Variants in DERA observed in about 807,000 individuals in gnomAD.
DERA encodes deoxyribose-phosphate aldolase.
A neutral mutation model predicts 41.1 loss-of-function variants in DERA; 15 were observed. The observed-to-expected ratio is 0.37, with a 90% CI of 0.24 to 0.56. The LOEUF is 0.56. Ranked by LOEUF, DERA falls within the 20% of genes least tolerant of loss-of-function variation. DERA has a pLI of 0.81. For synonymous variants in DERA, 139 were observed against 137.4 expected (o/e 1.01, Z -0.08); for missense variants, 396 against 403.4 (o/e 0.98, Z 0.16).
At chr12:15,946,717 C>G (rs957887879) in intron 1 of DERA, among the ~76,000 whole-genome samples, 3 of 152,142 alleles carry the variant, frequency 2.0e-5, no homozygotes, top group Non-Finnish European at 4.4e-5. Flanking sequence ...TTTTGTGTCT[C>G]TATCTCCTTT....
Position 16,003,366 on chromosome 12 carries a change from C to G in DERA, c.637+20930C>G, listed in dbSNP as rs868821503. ...CCCAGGTTCCAAATAAGGTCACATTCTTACATGCTAGGGGTTAGGACTTCC... is the reference window on the plus strand; with the variant it reads ...CCCAGGTTCCAAATAAGGTCACATTGTTACATGCTAGGGGTTAGGACTTCC... On this transcript the variant is annotated intron_variant, in intron 6 of 8. Coordinates refer to ENST00000428559, the MANE Select transcript of DERA (RefSeq NM_015954.4). This position sits in a 1 kb window ranked among gnomAD's most constrained non-coding sequence, Gnocchi z 4.8. Among the ~76,000 whole-genome samples the G allele has an allele frequency of 7.2e-5, 11 of 152,332 alleles. No homozygotes were observed. Among genetic ancestry groups the G allele is most frequent in the Middle Eastern group, 3.4e-3 (1 of 294 alleles).
rs1949126882 is a variant in DERA, at chr12:16,036,225, C to T, written c.751-7C>T. On this transcript the variant is annotated splice_polypyrimidine_tract_variant and splice_region_variant and intron_variant, in intron 7 of 8. Transcript: ENST00000428559. The surrounding 1 kb of genome is among the most constrained non-coding windows in gnomAD (Gnocchi z 4.9). ...AAGATTGTTCTATTCTCTGCCTTCC[C>T]ATTTAGATAGGGTTTAAACCAGCAG... 1.3e-6 allele frequency: 2 copies of T among 1,592,264 alleles called. No individual in the cohort carries two copies. Among genetic ancestry groups the T allele is most frequent in the East Asian group, 4.5e-5 (2 of 44,362 alleles).
rs1948359875 is a variant in DERA, at chr12:15,935,741, G to C, written c.32-21195G>C. On this transcript the variant is annotated intron_variant, in intron 1 of 8. Coordinates refer to ENST00000428559, the MANE Select transcript of DERA (RefSeq NM_015954.4). The surrounding 1 kb of genome is among the most constrained non-coding windows in gnomAD (Gnocchi z 4.8). The stretch of plus-strand genomic sequence containing the variant: ...TGGTTTCTATATGTTGTTTGTTGTT[G>C]TGTAATATATTACTCCAAAATTTAG... Among the ~76,000 whole-genome samples the C allele has an allele frequency of 6.6e-6, 1 of 152,070 alleles. No homozygotes were observed. Among genetic ancestry groups the C allele is most frequent in the Non-Finnish European group, 1.5e-5 (1 of 68,020 alleles).
At position 15,976,225 on chromosome 12, in the gene DERA, A is replaced by G. The variant is rs1323384125; in HGVS notation, c.509-6083A>G. 6.6e-6 allele frequency among the ~76,000 whole-genome samples: 1 copy of G among 151,956 alleles called. No homozygotes were observed. Among genetic ancestry groups the G allele is most frequent in the East Asian group, 1.9e-4 (1 of 5,192 alleles). On this transcript the variant is annotated intron_variant, in intron 5 of 8. Coordinates refer to ENST00000428559, the MANE Select transcript of DERA (RefSeq NM_015954.4). The surrounding 1 kb of genome is among the most constrained non-coding windows in gnomAD (Gnocchi z 4.1). ...CTTGCTCCCATTATCCATTATCTTC[A>G]GTATATTCATCTTTTTTATCAATAT...
intron 3 of DERA, among the ~76,000 whole-genome samples, chr12:15,958,861 G>A (rs991707833): frequency 6.6e-6 from 1 of 152,180 alleles, no homozygotes; most frequent in South Asian, 2.1e-4. Context: ...GTTGCCATAA[G>A]TTTAGAACCT....
rs184385458 is a variant in DERA at position 16,009,565 on chromosome 12, C to A, written c.638-22977C>A. Among the ~76,000 whole-genome samples, 1 of 152,176 alleles carries A rather than the reference C, an allele frequency of 6.6e-6. No individual in the cohort carries two copies. The highest frequency in any genetic ancestry group is 1.5e-5 in the Non-Finnish European group (1 of 68,030). ...CTGTTCACTGTCTCTAACCCAGTTTCCCAAATGCCTTTTTACTTTGTAGGT... is the reference window on the plus strand; with the variant it reads ...CTGTTCACTGTCTCTAACCCAGTTTACCAAATGCCTTTTTACTTTGTAGGT... On this transcript the variant is annotated intron_variant, in intron 6 of 8. Transcript: ENST00000428559. The surrounding 1 kb of genome is among the most constrained non-coding windows in gnomAD (Gnocchi z 5.3).
Position 15,982,197 on chromosome 12 carries a change from A to G in DERA, c.509-111A>G. The stretch of plus-strand genomic sequence containing the variant: ...ATTGGGGTGATTTTTAGAAAGTGAC[A>G]AATGTTTTATGTTTCCTAAATGTGA... On this transcript the variant is annotated intron_variant, in intron 5 of 8. Coordinates refer to ENST00000428559, the MANE Select transcript of DERA (RefSeq NM_015954.4). The surrounding 1 kb of genome is among the most constrained non-coding windows in gnomAD (Gnocchi z 4.0). 9.1e-7 allele frequency: 1 copy of G among 1,101,086 alleles called. No homozygotes were observed. Among genetic ancestry groups the G allele is most frequent in the Non-Finnish European group, 1.3e-6 (1 of 782,284 alleles). The allele number at this position is 1,101,086 out of a possible 1,614,324, so 68.2% of individuals were successfully genotyped here. A position where few individuals can be genotyped will look rare whatever the true frequency, so the allele number is the denominator to read the frequency against.
rs1949009736 is a variant in DERA at position 16,020,293 on chromosome 12, G to A, written c.638-12249G>A. Among the ~76,000 whole-genome samples the A allele has an allele frequency of 1.3e-5, 2 of 152,102 alleles. No homozygotes were observed. Among genetic ancestry groups the A allele is most frequent in the African/African-American group, 4.8e-5 (2 of 41,402 alleles). The stretch of plus-strand genomic sequence containing the variant: ...CTGGAGCAGGAAGAAGAGAGAGGAG[G>A]GGAGGTGCTACACACTTTTAAACCA... On this transcript the variant is annotated intron_variant, in intron 6 of 8. Transcript: ENST00000428559. This position sits in a 1 kb window ranked among gnomAD's most constrained non-coding sequence, Gnocchi z 5.5.
In DERA at chr12:15,949,065, G is replaced by A. The variant is rs994786537; in HGVS notation, c.32-7871G>A. Among the ~76,000 whole-genome samples the A allele has an allele frequency of 5.9e-5, 9 of 152,276 alleles. No homozygotes were observed. The East Asian group carries it at 9.7e-4, about 16-fold the overall frequency. ...GTCTGATCGTTCCTCTGGGAGCTTC[G>A]TCTCAGAGGGGTAACCGGCCGTGTG... On this transcript the variant is annotated intron_variant, in intron 1 of 8. Transcript: ENST00000428559.
rs145518035 is a variant in DERA, at chr12:15,967,926, A to G, written c.508+4979A>G. Among the ~76,000 whole-genome samples, 468 of 152,308 alleles carry G rather than the reference A, an allele frequency of 3.1e-3. 5 individuals are homozygous for G. Among genetic ancestry groups the G allele is most frequent in the African/African-American group, 0.011 (441 of 41,566 alleles). ...CAGCTGCTTTCCTGACAGGATTAGC[A>G]TATCCCCCTGGGCATTTGTGATAAA... On this transcript the variant is annotated intron_variant, in intron 5 of 8. Coordinates refer to ENST00000428559, the MANE Select transcript of DERA (RefSeq NM_015954.4). This position sits in a 1 kb window ranked among gnomAD's most constrained non-coding sequence, Gnocchi z 4.9.
rs1224613863 is a variant in DERA, at chr12:15,959,705, T to C, written c.278-124T>C. 8.5e-6 allele frequency: 5 copies of C among 588,248 alleles called. No individual in the cohort carries two copies. Among genetic ancestry groups the C allele is most frequent in the Non-Finnish European group, 1.5e-5 (5 of 327,442 alleles). 36.4% of individuals were successfully genotyped at this position (588,248 alleles called of 1,614,324 possible). On this transcript the variant is annotated intron_variant, in intron 3 of 8. Coordinates refer to ENST00000428559, the MANE Select transcript of DERA (RefSeq NM_015954.4). The surrounding 1 kb of genome is among the most constrained non-coding windows in gnomAD (Gnocchi z 4.5). ...AAAAATCTTTTAATTTATTGCAGTATTGTGGGGGAATTATTTTTTTCTCAT... is the reference window on the plus strand; with the variant it reads ...AAAAATCTTTTAATTTATTGCAGTACTGTGGGGGAATTATTTTTTTCTCAT...
rs7311512 is a variant in DERA at position 15,918,176 on chromosome 12, C to G, written c.31+6762C>G. Among the ~76,000 whole-genome samples the G allele has an allele frequency of 0.011, 1,682 of 152,306 alleles. 33 individuals carry two copies. Among genetic ancestry groups the G allele is most frequent in the African/African-American group, 0.039 (1,604 of 41,566 alleles). ...GCTCTGACCCCTGAGCTGGGCCTCC[C>G]TCCTGTGAGTCTGCCTTCCTCATCC... On this transcript the variant is annotated intron_variant, in intron 1 of 8. Transcript: ENST00000428559. The surrounding 1 kb of genome is among the most constrained non-coding windows in gnomAD (Gnocchi z 4.3).
At chr12:16,027,918 G>A (rs1949063625) in intron 6 of DERA, among the ~76,000 whole-genome samples, 1 of 152,214 alleles carries the variant, frequency 6.6e-6, no homozygotes, top group African/African-American at 2.4e-5. Flanking sequence ...TTGCTTTCCT[G>A]TCTAGCAGCA....
rs1428716604 is a variant in DERA, at chr12:15,941,186, C to T, written c.32-15750C>T. On this transcript the variant is annotated intron_variant, in intron 1 of 8. Transcript: ENST00000428559. The surrounding 1 kb of genome is among the most constrained non-coding windows in gnomAD (Gnocchi z 4.5). ...TTTCCCGTACATATTTCATGTTCACCTAATCTACAGTAGCGGCTCATTGAC... is the reference window on the plus strand; with the variant it reads ...TTTCCCGTACATATTTCATGTTCACTTAATCTACAGTAGCGGCTCATTGAC... Among the ~76,000 whole-genome samples, 2 of 152,102 alleles carry T rather than the reference C, an allele frequency of 1.3e-5. No individual in the cohort carries two copies. The highest frequency in any genetic ancestry group is 2.9e-5 in the Non-Finnish European group (2 of 68,024).
intron 5 of DERA, among the ~76,000 whole-genome samples, chr12:15,977,180 G>C (rs1757223580): frequency 6.6e-6 from 1 of 152,174 alleles, no homozygotes; most frequent in Non-Finnish European, 1.5e-5. Context: ...TGTCAAGTGA[G>C]TAGTTTGAAC....
rs767145521 is a variant in DERA at position 15,976,021 on chromosome 12, A to G, written c.509-6287A>G. Among the ~76,000 whole-genome samples the G allele has an allele frequency of 6.6e-6, 1 of 152,224 alleles. No homozygotes were observed. Among genetic ancestry groups the G allele is most frequent in the African/African-American group, 2.4e-5 (1 of 41,452 alleles). ...ATCTAGTAAATACATGAACGTACAC[A>G]TATACACAGCACACACATAGAAACA... On this transcript the variant is annotated intron_variant, in intron 5 of 8. Transcript: ENST00000428559. This position sits in a 1 kb window ranked among gnomAD's most constrained non-coding sequence, Gnocchi z 4.1.
In DERA at chr12:15,933,104, A is replaced by G. The variant is rs189710353; in HGVS notation, c.31+21690A>G. Among the ~76,000 whole-genome samples, 4 of 152,344 alleles carry G rather than the reference A, an allele frequency of 2.6e-5. No homozygotes were observed. The East Asian group carries it at 5.8e-4, about 22-fold the overall frequency. On this transcript the variant is annotated intron_variant, in intron 1 of 8. Transcript: ENST00000428559. ...CTGAGGTTGATTCCTTATCTTGGCT[A>G]TGGTGAATAGTGCTGCAGTGAACGT...
In DERA at chr12:16,004,342, C is replaced by G. The variant is rs565361374; in HGVS notation, c.637+21906C>G. Among the ~76,000 whole-genome samples the G allele has an allele frequency of 1.5e-4, 22 of 150,860 alleles. No homozygotes were observed. The highest frequency in any genetic ancestry group is 8.3e-4 in the South Asian group (4 of 4,816). On this transcript the variant is annotated intron_variant, in intron 6 of 8. Transcript: ENST00000428559. This position sits in a 1 kb window ranked among gnomAD's most constrained non-coding sequence, Gnocchi z 4.2. ...AGACCCTACATAAAGCAAAAGGAACCACTGCAGAAAAGAAAAGAAAAACCC... is the reference window on the plus strand; with the variant it reads ...AGACCCTACATAAAGCAAAAGGAACGACTGCAGAAAAGAAAAGAAAAACCC...
At chr12:15,979,033 G>C (rs1948716565) in intron 5 of DERA, among the ~76,000 whole-genome samples, 1 of 152,210 alleles carries the variant, frequency 6.6e-6, no homozygotes, top group Non-Finnish European at 1.5e-5. Context: ...TAGTAGTAAA[G>C]TTGGGGTGTG....
Sources: gnomAD v4.1 joint callset for allele counts (sites outside exome capture counted in the v4.1 genomes callset) on GRCh38, gnomAD v4.1.1 for gene constraint, Gnocchi (gnomAD v3.1) non-coding constraint, MANE v1.5 for transcripts, NCBI Gene and HGNC (gene_info 2026-07-23, HGNC 2026-07-21) for gene names.